The following FKBP1A variants were observed in gnomAD, a reference collection of about 807,000 sequenced individuals.
The protein encoded by FKBP1A is FKBP prolyl isomerase 1A.
A neutral mutation model predicts 14.2 loss-of-function variants in FKBP1A; 5 were observed. The ratio of observed to expected loss-of-function variants is 0.35; its 90% confidence interval spans 0.18 to 0.74. FKBP1A has a LOEUF of 0.74. Among genes scored for constraint, FKBP1A ranks in the 30% least tolerant of loss-of-function variants. The pLI is 0.56. For synonymous variants in FKBP1A, 42 were observed against 49.1 expected (o/e 0.86, Z 0.60); for missense variants, 53 against 138.8 (o/e 0.38, Z 3.10).
chr20:1,377,824 G>A (rs1449617289), intron 2 of FKBP1A: 3 of 152,210 alleles, frequency 2.0e-5, no homozygotes, highest in Non-Finnish European at 4.4e-5. Context: ...TCAGAACCAC[G>A]GAGTGGCAGG....
intron 2 of FKBP1A, among the ~76,000 whole-genome samples, chr20:1,381,323 A>C (rs1321217730): frequency 1.3e-5 from 2 of 152,264 alleles, no homozygotes; most frequent in Admixed American, 6.5e-5. Context: ...GCAGGTAAGC[A>C]TATGAAAAGA....
chr20:1,371,584 C>G (rs6105015), intron 4 of FKBP1A: 25 of 437,618 alleles, frequency 5.7e-5, no homozygotes, highest in Admixed American at 6.4e-5. Context: ...GAATGCCTCC[C>G]TCATACCATC....
At chr20:1,388,356 C>G (rs1419918850) in intron 2 of FKBP1A, among the ~76,000 whole-genome samples, 3 of 152,206 alleles carry the variant, frequency 2.0e-5, no homozygotes, top group African/African-American at 7.2e-5. Flanking sequence ...AAGGACTCTT[C>G]TAGACTGAGA....
chr20:1,381,195 G>A (rs1168632936), intron 2 of FKBP1A, among the ~76,000 whole-genome samples: 1 of 152,148 alleles, frequency 6.6e-6, no homozygotes, highest in African/African-American at 2.4e-5. Flanking sequence ...CTTTTGCAAA[G>A]TACATATCTG....
intron 2 of FKBP1A, among the ~76,000 whole-genome samples, chr20:1,385,757 A>G (rs1210507403): frequency 6.6e-6 from 1 of 152,142 alleles, no homozygotes. Context: ...TTGTTTCCTT[A>G]TGTTCTACAT....
chr20:1,384,120 T>A (rs2089646205), intron 2 of FKBP1A, among the ~76,000 whole-genome samples: 5 of 152,192 alleles, frequency 3.3e-5, no homozygotes, highest in Admixed American at 3.3e-4. Flanking sequence ...TAGCTCATGA[T>A]CACTTCTTCA....
intron 4 of FKBP1A, chr20:1,370,405 C>T: frequency 1.0e-6 from 1 of 982,662 alleles, no homozygotes; most frequent in Non-Finnish European, 1.2e-6. Flanking sequence ...ATATAGGCAT[C>T]ACCTGGGGGC....
At chr20:1,376,750 A>G (rs1311823912) in intron 2 of FKBP1A, 1 of 151,016 alleles carries the variant, frequency 6.6e-6, no homozygotes, top group Non-Finnish European at 1.5e-5. Context: ...TAGTAAAACT[A>G]CGTTATAAAT....
At chr20:1,374,038 T>C (rs1384706427) in intron 3 of FKBP1A, among the ~76,000 whole-genome samples, 2 of 152,326 alleles carry the variant, frequency 1.3e-5, no homozygotes, top group East Asian at 3.9e-4. Flanking sequence ...ATAGAGGAAG[T>C]AGAGCAATGT....
chr20:1,374,627 G>A (rs890918655), intron 3 of FKBP1A: 2 of 152,118 alleles, frequency 1.3e-5, no homozygotes, highest in African/African-American at 4.8e-5. Flanking sequence ...CAGCTTTTGA[G>A]CCCCTCATCC....
intron 2 of FKBP1A, among the ~76,000 whole-genome samples, chr20:1,388,227 A>G (rs1227051778): frequency 6.6e-6 from 1 of 152,224 alleles, no homozygotes; most frequent in Non-Finnish European, 1.5e-5. Flanking sequence ...CGGTTCAGAA[A>G]ATCAAGGCAG....
intron 2 of FKBP1A, among the ~76,000 whole-genome samples, chr20:1,390,596 C>T (rs2089723826): frequency 6.6e-6 from 1 of 152,170 alleles, no homozygotes; most frequent in Non-Finnish European, 1.5e-5. Flanking sequence ...CCTTTATAAC[C>T]TCCACCTTCT....
intron 4 of FKBP1A, 40 bp downstream of exon 4, chr20:1,372,036 C>T (rs931978249): frequency 6.3e-7 from 1 of 1,590,846 alleles, no homozygotes; most frequent in Non-Finnish European, 8.6e-7. Context: ...ATGGGAGGAG[C>T]AAAGGCAGTG....
chr20:1,392,926 C>A (rs1248855783), intron 1 of FKBP1A, 36 bp downstream of exon 1: 4 of 1,481,218 alleles, frequency 2.7e-6, no homozygotes, highest in Non-Finnish European at 3.6e-6. Flanking sequence ...CGCGCGGCGG[C>A]AGAGGTACTC....
intron 2 of FKBP1A, among the ~76,000 whole-genome samples, chr20:1,389,610 G>A (rs1453215358): frequency 6.6e-6 from 1 of 152,132 alleles, no homozygotes; most frequent in East Asian, 1.9e-4. Context: ...TCAGAAACCG[G>A]GAGGCTATAC....
intron 3 of FKBP1A, among the ~76,000 whole-genome samples, chr20:1,373,406 T>G (rs2089495086): frequency 6.6e-6 from 1 of 152,214 alleles, no homozygotes; most frequent in Admixed American, 6.5e-5. Flanking sequence ...ATGGTCCTTG[T>G]GGCAGGCAGG....
At position 1,375,518 on chromosome 20, in the gene FKBP1A, G is replaced by C. The variant is rs1342525245; in HGVS notation, c.171C>G (p.Ile57Met). The C allele has an allele frequency of 1.2e-6, 2 of 1,613,782 alleles. No individual in the cohort carries two copies. Among genetic ancestry groups the C allele is most frequent in the Admixed American group, 1.7e-5 (1 of 59,996 alleles). The change falls in exon 3 of 5, where the codon ATC (isoleucine) becomes ATG (methionine). Residue 57 changes from isoleucine to methionine, a missense_variant. Around this residue, in one of 2 missense-constraint regions of FKBP1A, gnomAD observed 35 missense variants for 118.1 expected, o/e 0.30. Coordinates refer to ENST00000400137, the MANE Select transcript of FKBP1A (RefSeq NM_000801.5). ...FKFMLGKQEV[I>M]RGWEEGVAQM... The stretch of plus-strand genomic sequence containing the variant: ...GGGCAACCCCTTCTTCCCAGCCTCG[G>C]ATCACCTCCTGCTTGCCTAGCATAA...
At chr20:1,382,266 T>C (rs1331857995) in intron 2 of FKBP1A, among the ~76,000 whole-genome samples, 1 of 152,142 alleles carries the variant, frequency 6.6e-6, no homozygotes, top group African/African-American at 2.4e-5. Flanking sequence ...CATAATTTCC[T>C]AAAGAAAGCG....
At chr20:1,375,657 CAG>C in intron 2 of FKBP1A, 54 bp from the exon 3 acceptor site, 1 of 1,247,588 alleles carries the variant, frequency 8.0e-7, no homozygotes, top group Admixed American at 1.7e-5. Context: ...CAAGACAAGT[CAG>C]AAACCAGCAG....
Sources: gnomAD v4.1 joint callset for allele counts (sites outside exome capture counted in the v4.1 genomes callset) on GRCh38, gnomAD v4.1.1 for gene constraint, gnomAD v4.1.1 regional missense constraint, MANE v1.5 for transcripts, NCBI Gene and HGNC (gene_info 2026-07-23, HGNC 2026-07-21) for gene names.